The following NTN1 variants were observed in gnomAD, a reference collection of about 807,000 sequenced individuals.
NTN1 encodes the protein netrin-1.
A neutral mutation model predicts 54.2 loss-of-function variants in NTN1; 11 were observed. The observed-to-expected ratio is 0.20, with a 90% CI of 0.13 to 0.34. The LOEUF is 0.34. Ranked by LOEUF, NTN1 falls within the 10% of genes least tolerant of loss-of-function variation. The probability of loss-of-function intolerance (pLI) is 1.00; values close to 1 mark genes in which losing one functional copy is unlikely to be tolerated. For synonymous variants in NTN1, 371 were observed against 382.0 expected, an observed-to-expected ratio of 0.97 and a Z score of 0.33; for missense variants, 740 against 893.1, an observed-to-expected ratio of 0.83 and a Z score of 2.18.
chr17:9,195,891 C>T (rs959612582), intron 5 of NTN1, among the ~76,000 whole-genome samples: 1 of 152,168 alleles, frequency 6.6e-6, no homozygotes, highest in Non-Finnish European at 1.5e-5. Context: ...GAAATAATAA[C>T]AACCATCACT....
At position 9,162,802 on chromosome 17, in the gene NTN1, T is replaced by A. The variant is rs778104398; in HGVS notation, c.1019-11T>A. On this transcript the variant is annotated splice_polypyrimidine_tract_variant and intron_variant, in intron 2 of 6. Transcript: ENST00000173229. ...CCTGCGGCTGACACCTCTCTCTGTC[T>A]CCCCCTGCAGCCTGTAACTGCAACC... 2 of 1,597,726 alleles carry A rather than the reference T, an allele frequency of 1.3e-6. No homozygotes were observed.
Position 9,035,878 on chromosome 17 carries a change from C to T in NTN1, c.1018+12487C>T, listed in dbSNP as rs150774000. On this transcript the variant is annotated intron_variant, in intron 2 of 6. Coordinates refer to ENST00000173229, the MANE Select transcript of NTN1 (RefSeq NM_004822.3). ...CTCTACTAAAAATACAAAAATTAGC[C>T]GGGTATGGTGGTGCACGCCTGTAAT... Among the ~76,000 whole-genome samples the T allele has an allele frequency of 9.4e-3, 1,436 of 152,146 alleles. 23 individuals are homozygous for T. Among genetic ancestry groups the T allele is most frequent in the African/African-American group, 0.032 (1,336 of 41,492 alleles).
chr17:9,100,282 TATGTCATGC>T (rs1235029173), intron 2 of NTN1, among the ~76,000 whole-genome samples: 3 of 152,154 alleles, frequency 2.0e-5, no homozygotes, highest in Non-Finnish European at 4.4e-5. Flanking sequence ...TGCTCAGCAA[TATGTCATGC>T]ATATCTTTAT....
intron 2 of NTN1, among the ~76,000 whole-genome samples, chr17:9,023,746 C>T (rs148622938): frequency 6.6e-6 from 1 of 152,224 alleles, no homozygotes; most frequent in African/African-American, 2.4e-5. Flanking sequence ...TCACCTGCAC[C>T]CACCCCCCTT....
At chr17:9,203,871 A>G (rs1904884516) in intron 5 of NTN1, among the ~76,000 whole-genome samples, 1 of 152,146 alleles carries the variant, frequency 6.6e-6, no homozygotes, top group Non-Finnish European at 1.5e-5. Flanking sequence ...AGGAAGAGGA[A>G]GCAGCATAAT....
intron 5 of NTN1, among the ~76,000 whole-genome samples, chr17:9,203,599 G>A (rs1904875020): frequency 6.6e-6 from 1 of 152,016 alleles, no homozygotes; most frequent in African/African-American, 2.4e-5. Context: ...AGGAGCTTGA[G>A]AGCAGCCTGG....
At chr17:9,181,886 G>A (rs972264248) in intron 4 of NTN1, among the ~76,000 whole-genome samples, 2 of 152,230 alleles carry the variant, frequency 1.3e-5, no homozygotes, top group Admixed American at 1.3e-4. Context: ...CTGAACCGAT[G>A]AGCAGTGGGG....
At chr17:9,091,523 G>A (rs139418220) in intron 2 of NTN1, among the ~76,000 whole-genome samples, 3 of 147,696 alleles carry the variant, frequency 2.0e-5, no homozygotes, top group African/African-American at 7.5e-5. Context: ...GCACGATCTC[G>A]GCTCACTGCA....
intron 2 of NTN1, among the ~76,000 whole-genome samples, chr17:9,131,326 G>T (rs937014822): frequency 6.6e-6 from 1 of 152,106 alleles, no homozygotes; most frequent in Non-Finnish European, 1.5e-5. Context: ...CTCCTAATGC[G>T]CTGTGTTCAT....
At chr17:9,112,168 G>C (rs1462515349) in intron 2 of NTN1, among the ~76,000 whole-genome samples, 1 of 152,222 alleles carries the variant, frequency 6.6e-6, no homozygotes, top group Non-Finnish European at 1.5e-5. Flanking sequence ...TGTATCCCCT[G>C]CAAGGGAGCC....
intron 2 of NTN1, among the ~76,000 whole-genome samples, chr17:9,031,221 G>A (rs2091887460): frequency 1.3e-5 from 2 of 152,136 alleles, no homozygotes; most frequent in East Asian, 3.8e-4. Flanking sequence ...GTAGATCTCT[G>A]AGTTTCCTGA....
intron 5 of NTN1, among the ~76,000 whole-genome samples, chr17:9,193,660 C>A (rs977925146): frequency 6.6e-6 from 1 of 152,110 alleles, no homozygotes; most frequent in African/African-American, 2.4e-5. Context: ...CGGTGGCTCA[C>A]GCCTGTAATC....
At chr17:9,026,473 G>A (rs2091871295) in intron 2 of NTN1, among the ~76,000 whole-genome samples, 2 of 151,940 alleles carry the variant, frequency 1.3e-5, no homozygotes, top group South Asian at 4.2e-4. Flanking sequence ...GCTCTCAGTG[G>A]AATAACTAAA....
At chr17:9,202,343 C>G (rs1027693784) in intron 5 of NTN1, among the ~76,000 whole-genome samples, 1 of 152,178 alleles carries the variant, frequency 6.6e-6, no homozygotes, top group African/African-American at 2.4e-5. Flanking sequence ...ATCCACTGGC[C>G]TCTTGATGCC....
At chr17:9,107,472 A>G (rs2092171420) in intron 2 of NTN1, among the ~76,000 whole-genome samples, 1 of 152,162 alleles carries the variant, frequency 6.6e-6, no homozygotes, top group African/African-American at 2.4e-5. Context: ...AGAAAGAAAA[A>G]AAGTTTGGGG....
intron 2 of NTN1, among the ~76,000 whole-genome samples, chr17:9,122,453 T>A (rs919820287): frequency 6.6e-6 from 1 of 152,176 alleles, no homozygotes; most frequent in Non-Finnish European, 1.5e-5. Context: ...GGGCAATGTC[T>A]TTATTTCCCA....
chr17:9,239,597 ACAG>A lies in NTN1; in HGVS notation c.1487-38_1487-36del. 1 of 1,577,200 alleles carries A rather than the reference ACAG, an allele frequency of 6.3e-7. No homozygotes were observed. Among genetic ancestry groups the A allele is most frequent in the Non-Finnish European group, 8.7e-7 (1 of 1,152,054 alleles). On this transcript the variant is annotated intron_variant, in intron 6 of 6. Transcript: ENST00000173229. This position sits in a 1 kb window ranked among gnomAD's most constrained non-coding sequence, Gnocchi z 5.2. The stretch of plus-strand genomic sequence containing the variant: ...AGGCTCAGGCAGGGCGGACCTAGCC[ACAG>A]CAGCTGGGAGCCCACCCGTCTGCCT...
chr17:9,197,388 G>T (rs957094048), intron 5 of NTN1, among the ~76,000 whole-genome samples: 1 of 152,156 alleles, frequency 6.6e-6, no homozygotes, highest in Non-Finnish European at 1.5e-5. Flanking sequence ...GCCAGGCGTG[G>T]TGGCTCACAC....
At chr17:9,176,434 G>T (rs759050593) in intron 3 of NTN1, 1 of 152,266 alleles carries the variant, frequency 6.6e-6, no homozygotes, top group Non-Finnish European at 1.5e-5. Flanking sequence ...ACAGCAGGAT[G>T]CTTTTGACTT....
Sources: allele counts gnomAD v4.1 joint callset (sites outside exome capture counted in the v4.1 genomes callset), GRCh38; gene constraint gnomAD v4.1.1; non-coding constraint Gnocchi (gnomAD v3.1); transcripts MANE v1.5; gene names NCBI Gene and HGNC (gene_info 2026-07-23, HGNC 2026-07-21).